Variants in AFF3 observed in about 807,000 individuals in gnomAD.
The protein encoded by AFF3 is ALF transcription elongation factor 3.
In AFF3, 32 loss-of-function variants were observed where a neutral mutation model predicts 129.7. The observed-to-expected ratio is 0.25, with a 90% confidence interval of 0.19 to 0.33. The LOEUF (loss-of-function observed/expected upper bound fraction) is 0.33. Ranked by LOEUF, AFF3 falls within the 10% of genes least tolerant of loss-of-function variation. The probability of loss-of-function intolerance (pLI) is 1.00; values close to 1 mark genes in which losing one functional copy is unlikely to be tolerated. For missense variants in AFF3, 1,373 were observed against 1,592.0 expected, an observed-to-expected ratio of 0.86 and a Z score of 2.34; for synonymous variants, 644 against 635.4, an observed-to-expected ratio of 1.01 and a Z score of -0.20.
chr2:100,070,484 T>C (rs1412105629), intron 4 of AFF3, among the ~76,000 whole-genome samples: 1 of 152,202 alleles, frequency 6.6e-6, no homozygotes, highest in African/African-American at 2.4e-5. Flanking sequence ...AGCCTTTCAT[T>C]TATTTTCACA....
chr2:99,826,753 G>C (rs1159329835), intron 8 of AFF3, among the ~76,000 whole-genome samples: 2 of 152,104 alleles, frequency 1.3e-5, no homozygotes, highest in African/African-American at 4.8e-5. Flanking sequence ...CACGTCTGGG[G>C]GTCTCTGGCC....
intron 16 of AFF3, among the ~76,000 whole-genome samples, chr2:99,585,821 C>T (rs554790134): frequency 2.1e-4 from 32 of 152,306 alleles, no homozygotes; most frequent in African/African-American, 6.0e-4. Context: ...CTCTGCCTCC[C>T]GGGTTTGAGC....
intron 7 of AFF3, among the ~76,000 whole-genome samples, chr2:99,974,061 A>G (rs1442122199): frequency 6.6e-6 from 1 of 152,240 alleles, no homozygotes; most frequent in Non-Finnish European, 1.5e-5. Context: ...AAGGGACTTT[A>G]GATGTTGAAT....
Position 99,593,279 on chromosome 2 carries a change from G to A in AFF3, c.2382C>T (p.Thr794=), listed in dbSNP as rs1678916902. ...QEPGVLSAPA[T]KDSESAPPSH... ...TGGGCGGTGCGCTCTCAGAGTCCTT[G>A]GTGGCAGGGGCGCTCAATACCCCTG... Residue 794 remains threonine, a synonymous_variant, in exon 15 of 25, where the codon ACC becomes ACT. Coordinates refer to ENST00000672756, the MANE Select transcript of AFF3 (RefSeq NM_001386135.1). 1.2e-6 allele frequency: 2 copies of A among 1,613,826 alleles called. No individual in the cohort carries two copies. Among genetic ancestry groups the A allele is most frequent in the Non-Finnish European group, 1.7e-6 (2 of 1,179,822 alleles).
chr2:99,554,483 G>A lies in AFF3; in HGVS notation c.3387C>T (p.Ser1129=), dbSNP rs1214305438. The change falls in exon 24 of 25, where the codon TCC becomes TCT. Residue 1129 remains serine, a synonymous_variant. Coordinates refer to ENST00000672756, the MANE Select transcript of AFF3 (RefSeq NM_001386135.1). ...PMSPNPSPAS[S]VGSQGSLSNA... Reference sequence around the variant, plus strand: ...TGGAGAGGCTGCCCTGAGACCCCACGGAGCTGGCGGGAGAGGGGTTGGGAG... The same window carrying A: ...TGGAGAGGCTGCCCTGAGACCCCACAGAGCTGGCGGGAGAGGGGTTGGGAG... The A allele has an allele frequency of 3.1e-6, 5 of 1,613,882 alleles. No individual in the cohort carries two copies. The highest frequency in any genetic ancestry group is 2.2e-5 in the East Asian group (1 of 44,884).
intron 2 of AFF3, among the ~76,000 whole-genome samples, chr2:100,124,164 G>A (rs374685999): frequency 6.6e-5 from 10 of 152,222 alleles, no homozygotes; most frequent in South Asian, 2.1e-4. Flanking sequence ...CAAAGGAATC[G>A]AAAACTATGA....
At chr2:100,013,002 T>C (rs1682687310) in intron 4 of AFF3, among the ~76,000 whole-genome samples, 2 of 152,212 alleles carry the variant, frequency 1.3e-5, no homozygotes, top group African/African-American at 4.8e-5. Flanking sequence ...TGCTTCAATA[T>C]TATTTATCAT....
intron 7 of AFF3, among the ~76,000 whole-genome samples, chr2:99,922,245 C>G (rs1297541096): frequency 1.3e-5 from 2 of 152,154 alleles, no homozygotes; most frequent in Non-Finnish European, 2.9e-5. Context: ...AGAAATCAAA[C>G]CATGTATCTA....
intron 7 of AFF3, among the ~76,000 whole-genome samples, chr2:99,889,940 AT>A (rs1191330888): frequency 3.9e-5 from 6 of 152,186 alleles, no homozygotes; most frequent in Admixed American, 2.0e-4. Flanking sequence ...GATTACAGGC[AT>A]GAGCCACCGC....
intron 8 of AFF3, among the ~76,000 whole-genome samples, chr2:99,775,262 C>T (rs2105346599): frequency 6.6e-6 from 1 of 152,012 alleles, no homozygotes; most frequent in South Asian, 2.1e-4. Context: ...AGAAATTGTT[C>T]TATTGTAGTG....
At chr2:100,038,818 G>T (rs1390565226) in intron 4 of AFF3, among the ~76,000 whole-genome samples, 2 of 151,768 alleles carry the variant, frequency 1.3e-5, no homozygotes, top group African/African-American at 4.8e-5. Context: ...CCGCCACCGG[G>T]TTCAAGCGAT....
chr2:99,636,825 C>T (rs770871135), intron 13 of AFF3, among the ~76,000 whole-genome samples: 4 of 152,158 alleles, frequency 2.6e-5, no homozygotes, highest in South Asian at 2.1e-4. Flanking sequence ...TCCAAAGCCA[C>T]GGGGGAGCTT....
At chr2:100,092,197 C>CT (rs1350283272) in intron 4 of AFF3, among the ~76,000 whole-genome samples, 2 of 152,160 alleles carry the variant, frequency 1.3e-5, no homozygotes, top group Non-Finnish European at 2.9e-5. Flanking sequence ...AAGGGTTCCT[C>CT]TTTCCCCACT....
chr2:99,984,199 A>C (rs1278318518), intron 7 of AFF3, among the ~76,000 whole-genome samples: 1 of 152,214 alleles, frequency 6.6e-6, no homozygotes, highest in Non-Finnish European at 1.5e-5. Flanking sequence ...CTAGAGCTGA[A>C]CATAATATGG....
intron 7 of AFF3, among the ~76,000 whole-genome samples, chr2:99,969,734 C>T (rs1163674507): frequency 6.6e-6 from 1 of 152,118 alleles, no homozygotes; most frequent in Non-Finnish European, 1.5e-5. Flanking sequence ...ACCTCCTGAC[C>T]TCAGGTGATC....
intron 8 of AFF3, among the ~76,000 whole-genome samples, chr2:99,790,807 G>A (rs1305756431): frequency 2.6e-5 from 4 of 152,102 alleles, no homozygotes; most frequent in Non-Finnish European, 5.9e-5. Flanking sequence ...TGTACTCTGG[G>A]TATTTACTCA....
At chr2:99,878,521 T>G (rs906113043) in intron 7 of AFF3, among the ~76,000 whole-genome samples, 3 of 152,228 alleles carry the variant, frequency 2.0e-5, no homozygotes, top group Non-Finnish European at 4.4e-5. Context: ...ACAAGTAGAT[T>G]TTAATAAAAA....
At chr2:99,790,983 C>A (rs77847504) in intron 8 of AFF3, among the ~76,000 whole-genome samples, 3 of 152,152 alleles carry the variant, frequency 2.0e-5, no homozygotes, top group Admixed American at 1.3e-4. Context: ...AAGAACGAAG[C>A]GAGTACACAA....
intron 8 of AFF3, among the ~76,000 whole-genome samples, chr2:99,786,313 CATGAG>C (rs1354299556): frequency 3.3e-5 from 5 of 152,138 alleles, no homozygotes; most frequent in Admixed American, 2.6e-4. Context: ...TGTGAGGCTC[CATGAG>C]ATATTGGCAC....
Sources: gnomAD v4.1 joint callset for allele counts (sites outside exome capture counted in the v4.1 genomes callset) on GRCh38, gnomAD v4.1.1 for gene constraint, MANE v1.5 for transcripts, NCBI Gene and HGNC (gene_info 2026-07-23, HGNC 2026-07-21) for gene names.